Variants in RNF157 observed in about 807,000 individuals in gnomAD.
RNF157 encodes E3 ubiquitin ligase RNF157.
RNF157 carries 55 observed loss-of-function variants against 88.3 expected under a neutral mutation model. That is an observed-to-expected ratio of 0.62 (90% CI 0.50 to 0.78). RNF157 has a LOEUF of 0.78. Among genes scored for constraint, RNF157 ranks in the 30% least tolerant of loss-of-function variants. The probability of loss-of-function intolerance (pLI) is 0.00; values close to 1 mark genes in which losing one functional copy is unlikely to be tolerated. For missense variants in RNF157, 788 were observed against 860.8 expected, an observed-to-expected ratio of 0.92 and a Z score of 1.06; for synonymous variants, 334 against 341.2, an observed-to-expected ratio of 0.98 and a Z score of 0.23.
chr17:76,226,176 C>T, intron 1 of RNF157: 2 of 1,607,126 alleles, frequency 1.2e-6, no homozygotes, highest in East Asian at 2.2e-5. Flanking sequence ...GGGGTGTCTT[C>T]CTCCTTTATG....
In RNF157 at chr17:76,212,463, G is replaced by C; in HGVS notation, c.108C>G (p.His36Gln). Residue 36 changes from histidine to glutamine, a missense_variant, in exon 2 of 19, where the codon CAC (histidine) becomes CAG (glutamine). By Grantham distance (24) the His-to-Gln change is conservative. Coordinates refer to ENST00000269391, the MANE Select transcript of RNF157 (RefSeq NM_052916.3). ...CAAACTTCTCTCCTCCCATAATGAA[G>C]TGGCTGGCAAAATAGCTTCCTAGAG... ...PPKSGSYFAS[H>Q]FIMGGEKFDS... The C allele has an allele frequency of 6.2e-7, 1 of 1,612,908 alleles. No individual in the cohort carries two copies. Among genetic ancestry groups the C allele is most frequent in the Non-Finnish European group, 8.5e-7 (1 of 1,179,178 alleles).
intron 1 of RNF157, among the ~76,000 whole-genome samples, chr17:76,224,860 G>A (rs1368195731): frequency 6.6e-6 from 1 of 152,194 alleles, no homozygotes; most frequent in Non-Finnish European, 1.5e-5. Flanking sequence ...ACTTGCCCTA[G>A]AGCATATTTT....
At chr17:76,173,864 C>A (rs2069059991) in intron 2 of RNF157, 74 bp from the exon 3 acceptor site, 1 of 1,241,138 alleles carries the variant, frequency 8.1e-7, no homozygotes, top group Non-Finnish European at 1.2e-6. Context: ...TTACAGTTTG[C>A]CAAGAATAGC....
Position 76,164,750 on chromosome 17 carries a change from C to G in RNF157, c.718G>C (p.Val240Leu). The stretch of plus-strand genomic sequence containing the variant: ...GTCTGTGGTCTTCAAATACTTACTA[C>G]TTGTTTCTGTTTGAGGGGCTTGACA... ...FCVKPLKQKQVVDGVSYLLQE... is the reference protein window; with the variant it reads ...FCVKPLKQKQLVDGVSYLLQE... Residue 240 changes from valine to leucine, a missense_variant and splice_region_variant, in exon 8 of 19, where the codon GTA becomes CTA. Coordinates refer to ENST00000269391, the MANE Select transcript of RNF157 (RefSeq NM_052916.3). 2 of 1,603,466 alleles carry G rather than the reference C, an allele frequency of 1.2e-6. No homozygotes were observed. Among genetic ancestry groups the G allele is most frequent in the Non-Finnish European group, 1.7e-6 (2 of 1,170,678 alleles).
chr17:76,161,848 C>T lies in RNF157; in HGVS notation c.947G>A (p.Arg316Gln), dbSNP rs1357895138. The change falls in exon 10 of 19, where the codon CGA becomes CAA. Residue 316 changes from arginine to glutamine, a missense_variant. By Grantham distance (43) the Arg-to-Gln change is conservative (BLOSUM62 1). Coordinates refer to ENST00000269391, the MANE Select transcript of RNF157 (RefSeq NM_052916.3). This position sits in a 1 kb window ranked among gnomAD's most constrained non-coding sequence, Gnocchi z 4.6. ...RYQANNCPIC[R>Q]LPFRALLQIR... Reference sequence around the variant, plus strand: ...CCTGCCGCTCTGGGGCTTACGCAGTCGGCAGATGGGGCAGTTGTTGGCCTG... The same window carrying T: ...CCTGCCGCTCTGGGGCTTACGCAGTTGGCAGATGGGGCAGTTGTTGGCCTG... 4 of 1,613,914 alleles carry T rather than the reference C, an allele frequency of 2.5e-6. No individual in the cohort carries two copies. The highest frequency in any genetic ancestry group is 2.5e-6 in the Non-Finnish European group (3 of 1,179,814).
intron 2 of RNF157, among the ~76,000 whole-genome samples, chr17:76,201,876 C>T (rs997913666): frequency 5.3e-5 from 8 of 151,948 alleles, no homozygotes; most frequent in Non-Finnish European, 1.0e-4. Flanking sequence ...TCTAATTTTG[C>T]ACTACTACAA....
chr17:76,195,638 T>C lies in RNF157; in HGVS notation c.207+16726A>G, dbSNP rs1356179359. On this transcript the variant is annotated intron_variant, in intron 2 of 18. Transcript: ENST00000269391. This position sits in a 1 kb window ranked among gnomAD's most constrained non-coding sequence, Gnocchi z 4.4. ...AAAAAAGCTCAATGCCTGCAAACAA[T>C]AGAGTGGATAAATTATGGTGTATTC... Among the ~76,000 whole-genome samples, 1 of 152,070 alleles carries C rather than the reference T, an allele frequency of 6.6e-6. No individual in the cohort carries two copies. Among genetic ancestry groups the C allele is most frequent in the Non-Finnish European group, 1.5e-5 (1 of 67,996 alleles).
At position 76,161,200 on chromosome 17, in the gene RNF157, T is replaced by C. The variant is rs1027431216; in HGVS notation, c.1065+335A>G. ...TCTTCGAGGATTCAAATAAAGATAA[T>C]AAATTGTATTTAAATCCAAAATAAT... On this transcript the variant is annotated intron_variant, in intron 11 of 18. Transcript: ENST00000269391. The surrounding 1 kb of genome is among the most constrained non-coding windows in gnomAD (Gnocchi z 4.6). Among the ~76,000 whole-genome samples the C allele has an allele frequency of 1.3e-5, 2 of 152,166 alleles. No homozygotes were observed. The highest frequency in any genetic ancestry group is 2.9e-5 in the Non-Finnish European group (2 of 68,022).
At position 76,161,884 on chromosome 17, in the gene RNF157, G is replaced by T; in HGVS notation, c.911C>A (p.Thr304Lys). 1.2e-6 allele frequency: 2 copies of T among 1,614,220 alleles called. No homozygotes were observed. The highest frequency in any genetic ancestry group is 8.5e-7 in the Non-Finnish European group (1 of 1,180,042). Residue 304 changes from threonine (T) to lysine (K), a missense_variant, in exon 10 of 19, where the codon ACG (threonine) becomes AAG (lysine). Thr to Lys is a moderately conservative substitution (Grantham distance 78, BLOSUM62 -1). Coordinates refer to ENST00000269391, the MANE Select transcript of RNF157 (RefSeq NM_052916.3). The surrounding 1 kb of genome is among the most constrained non-coding windows in gnomAD (Gnocchi z 4.6). ...GCAGTTGTTGGCCTGGTAGCGCAGC[G>T]TGTCTGCACAGGTGTTACAGAGGCA... Reference protein sequence around the residue: ...HLCLCNTCADTLRYQANNCPI... With the variant: ...HLCLCNTCADKLRYQANNCPI...
chr17:76,150,202 G>A (rs1221245380), intron 18 of RNF157, among the ~76,000 whole-genome samples: 1 of 152,038 alleles, frequency 6.6e-6, no homozygotes, highest in East Asian at 1.9e-4. Flanking sequence ...CCTCTGGTGA[G>A]GATATAATGG....
At position 76,155,144 on chromosome 17, in the gene RNF157, G is replaced by C. The variant is rs73345592; in HGVS notation, c.1764+108C>G. The C allele has an allele frequency of 5.2e-4, 469 of 905,846 alleles. 2 individuals carry two copies. In the African/African-American group the frequency reaches 6.9e-3, roughly 13 times the overall value. 56.1% of individuals were successfully genotyped at this position (905,846 alleles called of 1,614,324 possible). ...TGATCTAGGCATGTCCCCTAGGAAGGCTTCGTCAGCGCAGCCTCCTGGCCC... is the reference window on the plus strand; with the variant it reads ...TGATCTAGGCATGTCCCCTAGGAAGCCTTCGTCAGCGCAGCCTCCTGGCCC... On this transcript the variant is annotated intron_variant, in intron 16 of 18. Transcript: ENST00000269391.
At chr17:76,171,114 G>A (rs559631357) in intron 3 of RNF157, among the ~76,000 whole-genome samples, 15 of 152,072 alleles carry the variant, frequency 9.9e-5, no homozygotes, top group Admixed American at 7.9e-4. Flanking sequence ...GGATGGTCTC[G>A]ATCTCCTGAC....
At chr17:76,189,143 G>A (rs993874200) in intron 2 of RNF157, among the ~76,000 whole-genome samples, 14 of 152,070 alleles carry the variant, frequency 9.2e-5, no homozygotes, top group African/African-American at 3.4e-4. Flanking sequence ...AACTAAGAAA[G>A]GACAATAGAG....
chr17:76,215,033 C>T lies in RNF157; in HGVS notation c.89-2551G>A, dbSNP rs1029890944. 5.3e-5 allele frequency among the ~76,000 whole-genome samples: 8 copies of T among 152,250 alleles called. No individual in the cohort carries two copies. In the East Asian group the frequency reaches 7.7e-4, roughly 15 times the overall value. ...CATAATATACCTTTATCAACACTCT[C>T]ATATACCCCATTTCTGAAATTAACA... On this transcript the variant is annotated intron_variant, in intron 1 of 18. Transcript: ENST00000269391.
rs373056134 is a variant in RNF157 at position 76,167,088 on chromosome 17, A to G, written c.482T>C (p.Val161Ala). Residue 161 changes from valine to alanine, a missense_variant, in exon 5 of 19, where the codon GTG (valine) becomes GCG (alanine). By Grantham distance (64) the Val-to-Ala change is moderately conservative (BLOSUM62 0). Coordinates refer to ENST00000269391, the MANE Select transcript of RNF157 (RefSeq NM_052916.3). ...PKDNSLQSET[V>A]QYKRGVCQQF... is the part of the protein sequence containing the mutation. ...CTGACACACTCCTCGCTTGTACTGC[A>G]CAGTCTCCGACTGGAGGCTGTTGTC... 5.0e-6 allele frequency: 8 copies of G among 1,612,506 alleles called. No homozygotes were observed. The African/African-American group carries it at 1.1e-4, about 22-fold the overall frequency.
rs535050520 is a variant in RNF157, at chr17:76,145,776, G to A, written c.1922-423C>T. On this transcript the variant is annotated intron_variant, in intron 18 of 18. Coordinates refer to ENST00000269391, the MANE Select transcript of RNF157 (RefSeq NM_052916.3). ...GTGGGGGGAAGTGAGAAGACTGTTC[G>A]TTCTGGCCGAGTGTTAATGTTTTCT... Among the ~76,000 whole-genome samples the A allele has an allele frequency of 7.2e-5, 11 of 152,322 alleles. No individual in the cohort carries two copies. The East Asian group carries it at 9.7e-4, about 13-fold the overall frequency.
intron 11 of RNF157, 56 bp from the exon 12 acceptor site, chr17:76,159,629 G>T: frequency 1.6e-6 from 2 of 1,254,580 alleles, no homozygotes; most frequent in Non-Finnish European, 2.3e-6. Context: ...GTTTTATGAC[G>T]TGATCATGCT....
rs142535283 is a variant in RNF157, at chr17:76,168,865, T to C, written c.297-1068A>G. Among the ~76,000 whole-genome samples, 427 of 152,350 alleles carry C rather than the reference T, an allele frequency of 2.8e-3. 4 individuals carry two copies. The highest frequency in any genetic ancestry group is 9.8e-3 in the African/African-American group (406 of 41,574). Reference sequence around the variant, plus strand: ...TGGCTGAGCAAAGTATTCTAGATTATAAATAATTTCTAAAAGACACTGAAA... The same window carrying C: ...TGGCTGAGCAAAGTATTCTAGATTACAAATAATTTCTAAAAGACACTGAAA... On this transcript the variant is annotated intron_variant, in intron 3 of 18. Coordinates refer to ENST00000269391, the MANE Select transcript of RNF157 (RefSeq NM_052916.3).
chr17:76,210,434 C>CAA (rs755573593), intron 2 of RNF157, among the ~76,000 whole-genome samples: 6 of 150,994 alleles, frequency 4.0e-5, no homozygotes, highest in Non-Finnish European at 7.4e-5. Context: ...ACTAAAAATA[C>CAA]AAAAAATTAG....
Sources: allele counts gnomAD v4.1 joint callset (sites outside exome capture counted in the v4.1 genomes callset), GRCh38; gene constraint gnomAD v4.1.1; non-coding constraint Gnocchi (gnomAD v3.1); transcripts MANE v1.5; gene names NCBI Gene and HGNC (gene_info 2026-07-23, HGNC 2026-07-21).